Variants in HS3ST3A1 observed in about 807,000 individuals in gnomAD.
The protein encoded by HS3ST3A1 is heparan sulfate-glucosamine 3-sulfotransferase 3A1.
HS3ST3A1 carries 19 observed loss-of-function variants against 25.7 expected under a neutral mutation model. The observed-to-expected ratio is 0.74, with a 90% CI of 0.52 to 1.08. The LOEUF (loss-of-function observed/expected upper bound fraction) is 1.08, where lower values mean the gene tolerates loss of function less well. Among genes scored for constraint, HS3ST3A1 ranks in the 50% least tolerant of loss-of-function variants. HS3ST3A1 has a pLI of 0.00. For synonymous variants in HS3ST3A1, 226 were observed against 278.6 expected (o/e 0.81, Z 1.88); for missense variants, 459 against 594.3 (o/e 0.77, Z 2.37).
At chr17:13,558,276 G>A (rs989748551) in intron 1 of HS3ST3A1, among the ~76,000 whole-genome samples, 1 of 151,884 alleles carries the variant, frequency 6.6e-6, no homozygotes, top group African/African-American at 2.4e-5. Context: ...ACAACATAGT[G>A]AGACACTGTC....
intron 1 of HS3ST3A1, among the ~76,000 whole-genome samples, chr17:13,507,712 C>T (rs1905728938): frequency 6.6e-6 from 1 of 152,184 alleles, no homozygotes; most frequent in Non-Finnish European, 1.5e-5. Context: ...GGCCCATGTA[C>T]ATGTACTTTT....
intron 1 of HS3ST3A1, among the ~76,000 whole-genome samples, chr17:13,548,522 A>G (rs1297034866): frequency 6.6e-6 from 1 of 152,216 alleles, no homozygotes; most frequent in East Asian, 1.9e-4. Flanking sequence ...TATCTTAGAT[A>G]GTGTTCAGAT....
chr17:13,591,047 T>TC (rs1376642574), intron 1 of HS3ST3A1, among the ~76,000 whole-genome samples: 1 of 144,896 alleles, frequency 6.9e-6, no homozygotes, highest in South Asian at 2.1e-4. Flanking sequence ...CTTTTTCTTT[T>TC]CTTTTTTTTT....
Position 13,554,515 on chromosome 17 carries a change from G to T in HS3ST3A1, c.599+46016C>A, listed in dbSNP as rs538587712. Reference sequence around the variant, plus strand: ...CAGCCGCTAGGCCCTGTGCGGTGCTGATATCTCTGTGATGCCTTGTAGGCT... The same window carrying T: ...CAGCCGCTAGGCCCTGTGCGGTGCTTATATCTCTGTGATGCCTTGTAGGCT... On this transcript the variant is annotated intron_variant, in intron 1 of 1. Transcript: ENST00000284110. Among the ~76,000 whole-genome samples, 23 of 152,344 alleles carry T rather than the reference G, an allele frequency of 1.5e-4. No individual in the cohort carries two copies. The South Asian group carries it at 4.3e-3, about 29-fold the overall frequency.
At chr17:13,535,788 A>C (rs1354117832) in intron 1 of HS3ST3A1, among the ~76,000 whole-genome samples, 2 of 152,240 alleles carry the variant, frequency 1.3e-5, no homozygotes, top group Non-Finnish European at 2.9e-5. Context: ...AGTCAGAAAC[A>C]CACCTGTTCA....
intron 1 of HS3ST3A1, among the ~76,000 whole-genome samples, chr17:13,515,438 G>A (rs542553562): frequency 2.3e-4 from 34 of 149,596 alleles, no homozygotes; most frequent in African/African-American, 7.4e-4. Context: ...GGGATTACAG[G>A]CATGAGCCAC....
chr17:13,568,823 A>G (rs1215301105), intron 1 of HS3ST3A1, among the ~76,000 whole-genome samples: 1 of 152,214 alleles, frequency 6.6e-6, no homozygotes, highest in African/African-American at 2.4e-5. Flanking sequence ...AAAGATACCA[A>G]GGTTTTCAAT....
chr17:13,597,013 GAT>G (rs1468411722), intron 1 of HS3ST3A1, among the ~76,000 whole-genome samples: 4 of 152,132 alleles, frequency 2.6e-5, no homozygotes, highest in Non-Finnish European at 5.9e-5. Flanking sequence ...GACAATCTTT[GAT>G]CTTCCTGTAT....
At chr17:13,525,079 T>C (rs76251022) in intron 1 of HS3ST3A1, among the ~76,000 whole-genome samples, 2,039 of 152,334 alleles carry the variant, frequency 0.013, 39 homozygotes, top group African/African-American at 0.047. Context: ...GGAGTATGTA[T>C]GTATGAGTGT....
chr17:13,576,768 A>G (rs1293456957), intron 1 of HS3ST3A1, among the ~76,000 whole-genome samples: 1 of 152,182 alleles, frequency 6.6e-6, no homozygotes, highest in Admixed American at 6.5e-5. Context: ...AAATTAGTTC[A>G]CTATTCCTAG....
Position 13,600,580 on chromosome 17 carries a change from C to T in HS3ST3A1, c.550G>A (p.Glu184Lys), listed in dbSNP as rs761755593. The T allele has an allele frequency of 6.2e-6, 10 of 1,601,134 alleles. No individual in the cohort carries two copies. Among genetic ancestry groups the T allele is most frequent in the Middle Eastern group, 1.7e-4 (1 of 6,028 alleles). Residue 184 changes from glutamate to lysine, a missense_variant, in exon 1 of 2, where the codon GAG (glutamate) becomes AAG (lysine). Physicochemically the swap from Glu to Lys is moderately conservative, Grantham distance 56 (BLOSUM62 1). Around this residue, in one of 3 missense-constraint regions of HS3ST3A1, gnomAD observed 346 missense variants for 303.9 expected, o/e 1.14. Coordinates refer to ENST00000284110, the MANE Select transcript of HS3ST3A1 (RefSeq NM_006042.3). ...VHPDVRAVGAEPHFFDRSYDK... is the reference protein window; with the variant it reads ...VHPDVRAVGAKPHFFDRSYDK... ...TAGCTGCGGTCGAAGAAGTGGGGCT[C>T]GGCGCCCACGGCGCGCACGTCGGGG...
chr17:13,585,186 C>CGTTTTTTT (rs1908219145), intron 1 of HS3ST3A1, among the ~76,000 whole-genome samples: 1 of 33,234 alleles, frequency 3.0e-5, no homozygotes, highest in Non-Finnish European at 5.2e-5. Flanking sequence ...TTTTTCTGTG[C>CGTTTTTTT]TTTTTTTTTT....
intron 1 of HS3ST3A1, among the ~76,000 whole-genome samples, chr17:13,519,948 G>A (rs932861690): frequency 2.0e-5 from 3 of 152,206 alleles, no homozygotes; most frequent in Non-Finnish European, 4.4e-5. Flanking sequence ...GAGGTAGCAG[G>A]ATGGGAAAAT....
intron 1 of HS3ST3A1, among the ~76,000 whole-genome samples, chr17:13,527,696 C>T (rs1187730481): frequency 1.3e-5 from 2 of 152,196 alleles, no homozygotes; most frequent in Non-Finnish European, 2.9e-5. Flanking sequence ...AAACTCTGCT[C>T]CAATGTATTC....
intron 1 of HS3ST3A1, among the ~76,000 whole-genome samples, chr17:13,532,715 G>C (rs747826473): frequency 1.3e-5 from 2 of 152,074 alleles, no homozygotes; most frequent in Non-Finnish European, 2.9e-5. Flanking sequence ...TCAGACAAAA[G>C]TCTGAAACTG....
At position 13,495,955 on chromosome 17, in the gene HS3ST3A1, A is replaced by G. The variant is rs562770420; in HGVS notation, c.*242T>C. 1 of 446,336 alleles carries G rather than the reference A, an allele frequency of 2.2e-6. No individual in the cohort carries two copies. The highest frequency in any genetic ancestry group is 3.9e-5 in the East Asian group (1 of 25,832). The allele number at this position is 446,336 out of a possible 1,614,324, so 27.6% of individuals were successfully genotyped here. A position where few individuals can be genotyped will look rare whatever the true frequency, so the allele number is the denominator to read the frequency against. On this transcript the variant is annotated 3_prime_UTR_variant, in exon 2 of 2. Transcript: ENST00000284110. ...TATACTTTATGACTGGGTATATAGA[A>G]CATAAAATAAAAACTGAAAATTGAA...
At chr17:13,538,371 G>T (rs1286961042) in intron 1 of HS3ST3A1, among the ~76,000 whole-genome samples, 1 of 152,198 alleles carries the variant, frequency 6.6e-6, no homozygotes, top group Non-Finnish European at 1.5e-5. Context: ...AAGTCATCAA[G>T]GTTGTCTGTT....
At chr17:13,510,968 C>T (rs1308556101) in intron 1 of HS3ST3A1, among the ~76,000 whole-genome samples, 1 of 152,168 alleles carries the variant, frequency 6.6e-6, no homozygotes, top group African/African-American at 2.4e-5. Flanking sequence ...ATAAAACCTC[C>T]AAAATAATAA....
rs534402377 is a variant in HS3ST3A1, at chr17:13,496,801, G to C, written c.617C>G (p.Thr206Ser). ...CTCCATGGTGATCTGCCCGTCCAGG[G>C]TTCTGGGCATCAGGTCCCTGAGAAA... ...LAWYRDLMPRTLDGQITMEKT... is the reference protein window; with the variant it reads ...LAWYRDLMPRSLDGQITMEKT... Residue 206 changes from threonine (T) to serine (S), a missense_variant, in exon 2 of 2, where the codon ACC (threonine) becomes AGC (serine). Around this residue, in one of 3 missense-constraint regions of HS3ST3A1, gnomAD observed 346 missense variants for 303.9 expected, o/e 1.14. Transcript: ENST00000284110. 6.2e-7 allele frequency: 1 copy of C among 1,612,362 alleles called. No homozygotes were observed. The highest frequency in any genetic ancestry group is 1.3e-5 in the African/African-American group (1 of 74,998).
Sources: allele counts gnomAD v4.1 joint callset (sites outside exome capture counted in the v4.1 genomes callset), GRCh38; gene constraint gnomAD v4.1.1; regional missense constraint gnomAD v4.1.1; transcripts MANE v1.5; gene names NCBI Gene and HGNC (gene_info 2026-07-23, HGNC 2026-07-21).